The following PEAK1 variants were observed in gnomAD, a reference collection of about 807,000 sequenced individuals.
PEAK1 encodes the protein inactive tyrosine-protein kinase PEAK1.
Under a neutral mutation model 124.7 loss-of-function variants are expected in PEAK1, and 54 were observed. The ratio of observed to expected loss-of-function variants is 0.43; its 90% CI spans 0.35 to 0.54. The LOEUF (loss-of-function observed/expected upper bound fraction) is 0.54. Among genes scored for constraint, PEAK1 ranks in the 20% least tolerant of loss-of-function variants. The pLI, the probability that PEAK1 is intolerant of heterozygous loss-of-function variation, is 0.01. For synonymous variants in PEAK1, 719 were observed against 760.0 expected, an observed-to-expected ratio of 0.95 and a Z score of 0.89; for missense variants, 2,046 against 2,134.5, an observed-to-expected ratio of 0.96 and a Z score of 0.82.
At chr15:77,231,867 T>C (rs1463724872) in intron 6 of PEAK1, among the ~76,000 whole-genome samples, 1 of 152,190 alleles carries the variant, frequency 6.6e-6, no homozygotes, top group African/African-American at 2.4e-5. Flanking sequence ...ATAATCAGTA[T>C]CTTCCTACAC....
At chr15:77,356,011 T>C in intron 2 of PEAK1, 2 of 912,480 alleles carry the variant, frequency 2.2e-6, no homozygotes, top group Non-Finnish European at 2.6e-6. Flanking sequence ...ACTAAAGTTC[T>C]ATTTTGCTTC....
At chr15:77,158,060 T>A (rs760954958) in intron 8 of PEAK1, 3 of 158,458 alleles carry the variant, frequency 1.9e-5, no homozygotes, top group Non-Finnish European at 4.2e-5. Context: ...TCTCCATGAT[T>A]TTGCTCATAT....
chr15:77,349,275 ACGATCTGCCCGCCTCGGC>A (rs2141419646), intron 2 of PEAK1: 1 of 656,184 alleles, frequency 1.5e-6, no homozygotes, highest in Admixed American at 6.3e-5. Context: ...TTCTGACCTT[ACGATCTGCCCGCCTCGGC>A]CTCCCAAAGT....
intron 5 of PEAK1, among the ~76,000 whole-genome samples, chr15:77,277,833 G>T (rs1034265760): frequency 3.9e-5 from 6 of 152,122 alleles, no homozygotes; most frequent in African/African-American, 1.4e-4. Flanking sequence ...AAGGTTCAGT[G>T]GGTTGCCAGG....
rs1394122819 is a variant in PEAK1, at chr15:77,109,132, CAA to C, written c.*5022_*5023del. The C allele has an allele frequency of 2.0e-5, 3 of 152,058 alleles. No homozygotes were observed. Among genetic ancestry groups the C allele is most frequent in the Non-Finnish European group, 4.4e-5 (3 of 68,008 alleles). The allele number at this position is 152,058 out of a possible 1,614,324, so 9.4% of individuals were successfully genotyped here. On this transcript the variant is annotated 3_prime_UTR_variant, in exon 10 of 10. Coordinates refer to ENST00000682557, the MANE Select transcript of PEAK1 (RefSeq NM_001385026.1). Reference sequence around the variant, plus strand: ...AATTACAATTTGTTAAGAAATTTCCCAAGAGTTCTTTAAACAAACCTATTTAA... The same window carrying C: ...AATTACAATTTGTTAAGAAATTTCCCGAGTTCTTTAAACAAACCTATTTAA...
intron 2 of PEAK1, among the ~76,000 whole-genome samples, chr15:77,289,801 A>T (rs1332833126): frequency 6.6e-6 from 1 of 152,118 alleles, no homozygotes; most frequent in African/African-American, 2.4e-5. Flanking sequence ...CGTGCACTCC[A>T]GCCTGGGCGA....
intron 2 of PEAK1, among the ~76,000 whole-genome samples, chr15:77,320,413 G>C (rs1007450890): frequency 1.3e-5 from 2 of 152,128 alleles, no homozygotes; most frequent in Admixed American, 6.6e-5. Context: ...CTGGGGAAAA[G>C]TTTATTAAAA....
rs2051004211 is a variant in PEAK1, at chr15:77,112,009, CA to C, written c.*2146del. The C allele has an allele frequency of 6.6e-6, 1 of 152,240 alleles. No homozygotes were observed. Among genetic ancestry groups the C allele is most frequent in the Non-Finnish European group, 1.5e-5 (1 of 68,072 alleles). 9.4% of individuals were successfully genotyped at this position (152,240 alleles called of 1,614,324 possible). A position where few individuals can be genotyped will look rare whatever the true frequency, so the allele number is the denominator to read the frequency against. ...GCACATGTTCTATGCTAAGATGAACCAAACACCAACCTTCAAGGCAAGGCGC... is the reference window on the plus strand; with the variant it reads ...GCACATGTTCTATGCTAAGATGAACCAACACCAACCTTCAAGGCAAGGCGC... On this transcript the variant is annotated 3_prime_UTR_variant, in exon 10 of 10. Transcript: ENST00000682557.
rs2069690570 is a variant in PEAK1, at chr15:77,383,823, A to G, written c.-665-18598T>C. On this transcript the variant is annotated intron_variant, in intron 1 of 9. Transcript: ENST00000682557. ...ACTTTTCTATTTCTTAAGCTCTAAG[A>G]TGTAGCAATTATAAAGTCACTATTT... Among the ~76,000 whole-genome samples the G allele has an allele frequency of 2.0e-5, 3 of 152,228 alleles. No individual in the cohort carries two copies. The East Asian group carries it at 5.8e-4, about 29-fold the overall frequency.
chr15:77,140,545 C>T (rs2053692799), intron 8 of PEAK1, among the ~76,000 whole-genome samples: 1 of 151,976 alleles, frequency 6.6e-6, no homozygotes, highest in Non-Finnish European at 1.5e-5. Flanking sequence ...AACCAAACAC[C>T]TTTCCATAAT....
At chr15:77,381,566 G>T in intron 1 of PEAK1, 1 of 651,568 alleles carries the variant, frequency 1.5e-6, no homozygotes, top group Non-Finnish European at 1.9e-6. Context: ...AGGTTCACTT[G>T]TAAGGCATAG....
At chr15:77,131,248 C>G (rs188066495) in intron 9 of PEAK1, among the ~76,000 whole-genome samples, 43 of 152,342 alleles carry the variant, frequency 2.8e-4, no homozygotes, top group African/African-American at 1.0e-3. Flanking sequence ...GTAATCCCAG[C>G]ACTTTGGGAG....
chr15:77,408,729 A>C (rs1047623597), intron 1 of PEAK1, among the ~76,000 whole-genome samples: 2 of 152,176 alleles, frequency 1.3e-5, no homozygotes, highest in Non-Finnish European at 2.9e-5. Context: ...GCCTAGAAAG[A>C]AGGCAGTTTT....
At position 77,153,326 on chromosome 15, in the gene PEAK1, G is replaced by A. The variant is rs532315541; in HGVS notation, c.3331+5177C>T. The stretch of plus-strand genomic sequence containing the variant: ...TGGTAGTTTGCATTTCTGTGGGATC[G>A]GTGGTGATATCCCCTTTATCATTTT... On this transcript the variant is annotated intron_variant, in intron 8 of 9. Coordinates refer to ENST00000682557, the MANE Select transcript of PEAK1 (RefSeq NM_001385026.1). Among the ~76,000 whole-genome samples the A allele has an allele frequency of 2.2e-3, 340 of 152,068 alleles. 1 individual carries two copies. Among genetic ancestry groups the A allele is most frequent in the African/African-American group, 7.6e-3 (316 of 41,478 alleles).
At chr15:77,227,057 T>C (rs920873292) in intron 6 of PEAK1, among the ~76,000 whole-genome samples, 1 of 152,210 alleles carries the variant, frequency 6.6e-6, no homozygotes, top group South Asian at 2.1e-4. Context: ...TACAGATGCA[T>C]GAGTTGCATT....
intron 9 of PEAK1, among the ~76,000 whole-genome samples, chr15:77,125,573 C>T (rs559792395): frequency 6.6e-6 from 1 of 152,038 alleles, no homozygotes; most frequent in Admixed American, 6.6e-5. Flanking sequence ...TTAAGAAGAC[C>T]TGAAGTATTT....
chr15:77,321,572 G>GT, intron 2 of PEAK1, among the ~76,000 whole-genome samples: 1 of 152,262 alleles, frequency 6.6e-6, no homozygotes, highest in East Asian at 1.9e-4. Context: ...TGTCAGATGA[G>GT]TAGATTGCAA....
chr15:77,350,745 C>CTTA, intron 2 of PEAK1: 3 of 984,636 alleles, frequency 3.0e-6, no homozygotes, highest in Non-Finnish European at 3.6e-6. Context: ...GCTGAAGCAC[C>CTTA]TTATGGATTA....
chr15:77,234,225 T>C (rs1347601784), intron 6 of PEAK1, among the ~76,000 whole-genome samples: 3 of 152,194 alleles, frequency 2.0e-5, no homozygotes, highest in African/African-American at 7.2e-5. Flanking sequence ...TTTTACAAAT[T>C]TCTGTAGTTT....
Sources: gnomAD v4.1 joint callset for allele counts (sites outside exome capture counted in the v4.1 genomes callset) on GRCh38, gnomAD v4.1.1 for gene constraint, MANE v1.5 for transcripts, NCBI Gene and HGNC (gene_info 2026-07-23, HGNC 2026-07-21) for gene names.